Variants in NISCH observed in about 807,000 individuals in gnomAD.
NISCH encodes the protein nischarin.
Under a neutral mutation model 138.4 loss-of-function variants are expected in NISCH, and 55 were observed. The ratio of observed to expected loss-of-function variants is 0.40; its 90% CI spans 0.32 to 0.50. The LOEUF is 0.50. NISCH is among the 20% of genes least tolerant of loss of function. NISCH has a pLI of 0.71. For synonymous variants in NISCH, 860 were observed against 861.5 expected (o/e 1.00, Z 0.03); for missense variants, 1,643 against 2,005.5 (o/e 0.82, Z 3.45).
chr3:52,466,901 G>A (rs1706795675), intron 3 of NISCH, among the ~76,000 whole-genome samples: 2 of 152,176 alleles, frequency 1.3e-5, no homozygotes, highest in Non-Finnish European at 2.9e-5. Context: ...ATCCCGGCAG[G>A]TGGTGGGCAG....
chr3:52,490,428 A>C (rs1334471539), intron 18 of NISCH, among the ~76,000 whole-genome samples, 197 bp downstream of exon 18: 3 of 152,202 alleles, frequency 2.0e-5, no homozygotes, highest in African/African-American at 7.2e-5. Context: ...CGCAGAATGC[A>C]CTGAGCCAGG....
At chr3:52,469,372 A>G (rs1296730522) in intron 3 of NISCH, among the ~76,000 whole-genome samples, 2 of 152,256 alleles carry the variant, frequency 1.3e-5, no homozygotes, top group Admixed American at 1.3e-4. Flanking sequence ...GCCCAAGGCC[A>G]AGGGCTTGAG....
chr3:52,492,682 C>T lies in NISCH; in HGVS notation c.*200C>T, dbSNP rs1490289909. 2.4e-5 allele frequency: 17 copies of T among 718,634 alleles called. No individual in the cohort carries two copies. The highest frequency in any genetic ancestry group is 2.7e-5 in the East Asian group (1 of 36,394). The allele number at this position is 718,634 out of a possible 1,614,324, so 44.5% of individuals were successfully genotyped here. On this transcript the variant is annotated 3_prime_UTR_variant, in exon 21 of 21. Coordinates refer to ENST00000345716, the MANE Select transcript of NISCH (RefSeq NM_007184.4). ...AGAATGCCGGGCCCCTCAGGGCTGT[C>T]GGTGTGCTGTCAGCCTCCCACAGGT...
chr3:52,478,317 G>A (rs750905475), intron 10 of NISCH, 35 bp downstream of exon 10: 39 of 1,609,496 alleles, frequency 2.4e-5, no homozygotes, highest in Admixed American at 3.4e-5. Flanking sequence ...TGGGATTTCT[G>A]TGCCTTGGTG....
Position 52,488,038 on chromosome 3 carries a change from A to G in NISCH, c.2546A>G (p.Gln849Arg). ...LTFYKVAGGC[Q>R]ERSQGCFPVY... ...TTCTACAAGGTGGCTGGCGGCTGCC[A>G]GGAGCGCAGCCAGGGCTGCTTCCCC... is the stretch of plus-strand genomic sequence containing the variant. The change falls in exon 16 of 21, where the codon CAG becomes CGG. Residue 849 changes from glutamine to arginine, a missense_variant. Physicochemically the swap from Gln to Arg is conservative, Grantham distance 43. Transcript: ENST00000345716. The G allele has an allele frequency of 6.2e-7, 1 of 1,612,614 alleles. No homozygotes were observed. The highest frequency in any genetic ancestry group is 8.5e-7 in the Non-Finnish European group (1 of 1,179,876).
In NISCH at chr3:52,492,125, C is replaced by T. The variant is rs1230772007; in HGVS notation, c.4158C>T (p.Asp1386=). The change falls in exon 21 of 21, where the codon GAC becomes GAT. Residue 1386 remains aspartate, a synonymous_variant. Transcript: ENST00000345716. ...TSSEIFLLDE[D]CVHYPLPEFA... is the part of the protein sequence containing the mutation. ...CCGAGATCTTCCTCCTGGATGAGGA[C>T]TGTGTCCACTACCCACTGCCCGAGT... is the stretch of plus-strand genomic sequence containing the variant. 6.2e-7 allele frequency: 1 copy of T among 1,613,130 alleles called. No individual in the cohort carries two copies.
At chr3:52,484,462 T>TGGGCCCC in intron 13 of NISCH, 51 bp from the exon 14 acceptor site, 200 of 788,654 alleles carry the variant, frequency 2.5e-4, no homozygotes, top group Non-Finnish European at 3.4e-4. Context: ...ACAGCCGCTC[T>TGGGCCCC]CCCCGCCCCA....
rs945169650 is a variant in NISCH, at chr3:52,480,273, C to T, written c.1506C>T (p.Pro502=). 1.2e-6 allele frequency: 2 copies of T among 1,613,914 alleles called. No individual in the cohort carries two copies. Among genetic ancestry groups the T allele is most frequent in the Non-Finnish European group, 1.7e-6 (2 of 1,180,016 alleles). Residue 502 remains proline, a synonymous_variant, in exon 13 of 21, where the codon CCC becomes CCT. Transcript: ENST00000345716. Reference sequence around the variant, plus strand: ...TGGCTCCCGCATCTGCCTCCCTGCCCCAGCCCATCCTCTCTAACCAAGGTA... The same window carrying T: ...TGGCTCCCGCATCTGCCTCCCTGCCTCAGCCCATCCTCTCTAACCAAGGTA... ...PTVAPASASL[P]QPILSNQGIM...
Position 52,472,335 on chromosome 3 carries a change from C to A in NISCH, c.606C>A (p.Ser202Arg). The A allele has an allele frequency of 6.2e-7, 1 of 1,614,136 alleles. No individual in the cohort carries two copies. Among genetic ancestry groups the A allele is most frequent in the Non-Finnish European group, 8.5e-7 (1 of 1,180,032 alleles). ...GCACAGAAGGACCTTTTGGGACCAG[C>A]AACATTCAGGAGCAGCTCCTGCCGT... ...VSGTEGPFGT[S>R]NIQEQLLPFD... Residue 202 changes from serine to arginine, a missense_variant, in exon 6 of 21, where the codon AGC becomes AGA. By Grantham distance (110) the Ser-to-Arg change is moderately radical. Coordinates refer to ENST00000345716, the MANE Select transcript of NISCH (RefSeq NM_007184.4).
chr3:52,492,279 C>G lies in NISCH; in HGVS notation c.4312C>G (p.Gln1438Glu), dbSNP rs765100806. ...QALTLVFDDVQGHDLMGSVTL... is the reference protein window; with the variant it reads ...QALTLVFDDVEGHDLMGSVTL... ...CCTCACCCTCGTCTTCGATGACGTG[C>G]AAGGTCATGACCTCATGGGCAGTGT... The change falls in exon 21 of 21, where the codon CAA becomes GAA. Residue 1438 changes from glutamine to glutamate, a missense_variant. Physicochemically the swap from Gln to Glu is conservative, Grantham distance 29. Transcript: ENST00000345716. 2 of 1,613,248 alleles carry G rather than the reference C, an allele frequency of 1.2e-6. No individual in the cohort carries two copies. The highest frequency in any genetic ancestry group is 1.7e-6 in the Non-Finnish European group (2 of 1,180,038).
chr3:52,489,789 T>G, intron 17 of NISCH, 111 bp downstream of exon 17: 1 of 1,482,642 alleles, frequency 6.7e-7, no homozygotes, highest in Non-Finnish European at 8.9e-7. Flanking sequence ...GTCGGAGTCC[T>G]CAGCTGAGCT....
chr3:52,483,499 A>T (rs753125983), intron 13 of NISCH, among the ~76,000 whole-genome samples: 2 of 152,230 alleles, frequency 1.3e-5, no homozygotes, highest in Non-Finnish European at 2.9e-5. Flanking sequence ...GTGGAGTAAC[A>T]GGTCCAGATA....
chr3:52,479,921 G>A (rs1578300256), intron 12 of NISCH, 59 bp downstream of exon 12: 3 of 1,364,822 alleles, frequency 2.2e-6, no homozygotes, highest in East Asian at 4.8e-5. Flanking sequence ...ATAGGAGCCA[G>A]TTTGGGGGGC....
chr3:52,481,122 G>A (rs1707259173), intron 13 of NISCH: 4 of 1,284,706 alleles, frequency 3.1e-6, no homozygotes, highest in Non-Finnish European at 2.9e-6. Context: ...AACCCCACTG[G>A]TGGGGATTTT....
Position 52,492,844 on chromosome 3 carries a change from CT to C in NISCH, c.*363del. On this transcript the variant is annotated 3_prime_UTR_variant, in exon 21 of 21. Transcript: ENST00000345716. The stretch of plus-strand genomic sequence containing the variant: ...CAGTCCTTTGTTGCTGTTGCTGTTG[CT>C]GTTGCTGTTGCTGTTGCTGTTGGCA... 1 of 257,832 alleles carries C rather than the reference CT, an allele frequency of 3.9e-6. No individual in the cohort carries two copies. Among genetic ancestry groups the C allele is most frequent in the Non-Finnish European group, 7.5e-6 (1 of 133,534 alleles). The allele number at this position is 257,832 out of a possible 1,614,324, so 16.0% of individuals were successfully genotyped here.
chr3:52,491,256 G>A (rs1707553940), intron 19 of NISCH, 96 bp from the exon 20 acceptor site: 1 of 1,498,266 alleles, frequency 6.7e-7, no homozygotes, highest in Non-Finnish European at 8.9e-7. Flanking sequence ...CTGGCCTCTG[G>A]GCTGAGGCTT....
At position 52,492,655 on chromosome 3, in the gene NISCH, T is replaced by A; in HGVS notation, c.*173T>A. On this transcript the variant is annotated 3_prime_UTR_variant, in exon 21 of 21. Transcript: ENST00000345716. ...TGTTAATTCTTTCTCATGTTGGGAG[T>A]GAGAATGCCGGGCCCCTCAGGGCTG... The A allele has an allele frequency of 1.0e-6, 1 of 971,016 alleles. No individual in the cohort carries two copies. Among genetic ancestry groups the A allele is most frequent in the Non-Finnish European group, 1.5e-6 (1 of 680,128 alleles). 60.2% of individuals were successfully genotyped at this position (971,016 alleles called of 1,614,324 possible).
intron 3 of NISCH, among the ~76,000 whole-genome samples, chr3:52,470,199 C>T (rs535409015): frequency 1.3e-4 from 20 of 152,062 alleles, no homozygotes; most frequent in Non-Finnish European, 1.8e-4. Flanking sequence ...AGGATCCAAG[C>T]GTGTTGTTTG....
intron 14 of NISCH, 122 bp from the exon 15 acceptor site, chr3:52,485,656 G>T (rs1578307774): frequency 7.3e-6 from 8 of 1,093,140 alleles, no homozygotes; most frequent in South Asian, 1.4e-5. Context: ...ACAGCGTGGG[G>T]ATGGGGAGCC....
Sources: allele counts gnomAD v4.1 joint callset (sites outside exome capture counted in the v4.1 genomes callset), GRCh38; gene constraint gnomAD v4.1.1; transcripts MANE v1.5; gene names NCBI Gene and HGNC (gene_info 2026-07-23, HGNC 2026-07-21).